PDE4D: variants seen among roughly 807,000 people sequenced by gnomAD.
PDE4D encodes the protein phosphodiesterase 4D.
A neutral mutation model predicts 87.4 loss-of-function variants in PDE4D; 24 were observed. The observed-to-expected ratio is 0.27, with a 90% confidence interval of 0.20 to 0.39. The LOEUF (loss-of-function observed/expected upper bound fraction) is 0.39. PDE4D is among the 10% of genes least tolerant of loss of function. PDE4D has a pLI of 1.00. For synonymous variants in PDE4D, 384 were observed against 383.2 expected (o/e 1.00, Z -0.02); for missense variants, 714 against 1,041.0 (o/e 0.69, Z 4.32).
At chr5:59,975,442 C>G (rs1310011833) in intron 3 of PDE4D, among the ~76,000 whole-genome samples, 2 of 152,212 alleles carry the variant, frequency 1.3e-5, no homozygotes, top group Non-Finnish European at 2.9e-5. Flanking sequence ...ACCTGTTTGA[C>G]ATCATAGAGA....
intron 1 of PDE4D, among the ~76,000 whole-genome samples, chr5:59,277,110 T>G (rs1764968116): frequency 6.6e-6 from 1 of 152,168 alleles, no homozygotes; most frequent in Admixed American, 6.6e-5. Flanking sequence ...ATTTAGCATT[T>G]GCAGACAGGA....
intron 1 of PDE4D, among the ~76,000 whole-genome samples, chr5:59,315,701 G>A (rs568480021): frequency 6.7e-4 from 102 of 152,286 alleles, no homozygotes; most frequent in African/African-American, 2.3e-3. Flanking sequence ...GGCATGCACA[G>A]TAAGGGGCAA....
chr5:59,935,466 A>G (rs1017334528), intron 3 of PDE4D, among the ~76,000 whole-genome samples: 1 of 152,178 alleles, frequency 6.6e-6, no homozygotes, highest in Admixed American at 6.5e-5. Flanking sequence ...GACATTGTGA[A>G]TGATTTAGGA....
At chr5:59,327,591 A>G (rs1220674738) in intron 1 of PDE4D, among the ~76,000 whole-genome samples, 1 of 152,198 alleles carries the variant, frequency 6.6e-6, no homozygotes, top group Non-Finnish European at 1.5e-5. Flanking sequence ...ACTTAATGAG[A>G]TCCGTTGTTA....
At chr5:59,251,511 A>G (rs1759931725) in intron 1 of PDE4D, among the ~76,000 whole-genome samples, 1 of 152,210 alleles carries the variant, frequency 6.6e-6, no homozygotes, top group Non-Finnish European at 1.5e-5. Flanking sequence ...GCTATTATTA[A>G]AAAGACAAAA....
At chr5:59,580,467 T>C (rs1349094460) in intron 1 of PDE4D, among the ~76,000 whole-genome samples, 1 of 152,164 alleles carries the variant, frequency 6.6e-6, no homozygotes, top group African/African-American at 2.4e-5. Flanking sequence ...TTCTAATAAA[T>C]TCTTCTTTTA....
intron 1 of PDE4D, among the ~76,000 whole-genome samples, chr5:59,658,823 CGTGTGTGT>C (rs141771220): frequency 6.6e-6 from 1 of 150,376 alleles, no homozygotes; most frequent in South Asian, 2.1e-4. Context: ...TGTGAGTGTT[CGTGTGTGT>C]GTGTGTGTGT....
At chr5:59,970,528 C>A (rs1304644572) in intron 3 of PDE4D, among the ~76,000 whole-genome samples, 1 of 152,086 alleles carries the variant, frequency 6.6e-6, no homozygotes, top group South Asian at 2.1e-4. Context: ...ACAAACAACC[C>A]CATCAAAAAG....
At chr5:60,314,430 G>A (rs970681806) in intron 1 of PDE4D, among the ~76,000 whole-genome samples, 1 of 152,074 alleles carries the variant, frequency 6.6e-6, no homozygotes. Flanking sequence ...GCCTCCCAAA[G>A]TGCTGGGATT....
At chr5:60,458,763 T>G (rs1042470262) in intron 1 of PDE4D, among the ~76,000 whole-genome samples, 2 of 150,704 alleles carry the variant, frequency 1.3e-5, no homozygotes, top group Non-Finnish European at 2.9e-5. Context: ...ACACCCGGAC[T>G]CATGGATACT....
At chr5:59,979,379 C>T (rs998412980) in intron 3 of PDE4D, among the ~76,000 whole-genome samples, 13 of 149,454 alleles carry the variant, frequency 8.7e-5, no homozygotes, top group Non-Finnish European at 1.3e-4. Context: ...AACAAGTATT[C>T]TAAAGTTTTT....
At chr5:60,125,505 C>T (rs1779054408) in intron 2 of PDE4D, among the ~76,000 whole-genome samples, 2 of 152,072 alleles carry the variant, frequency 1.3e-5, no homozygotes, top group Admixed American at 6.5e-5. Flanking sequence ...GGCAGGTACA[C>T]CCATCTTCCA....
chr5:60,374,812 TTAAG>T (rs1345776938), intron 1 of PDE4D, among the ~76,000 whole-genome samples: 1 of 152,194 alleles, frequency 6.6e-6, no homozygotes. Flanking sequence ...CTTCATAATT[TTAAG>T]TAAGAAATCT....
rs76368593 is a variant in PDE4D, at chr5:59,615,489, T to G, written c.455+277679A>C. Among the ~76,000 whole-genome samples the G allele has an allele frequency of 6.5e-3, 985 of 152,288 alleles. 8 individuals carry two copies. Among genetic ancestry groups the G allele is most frequent in the African/African-American group, 0.021 (862 of 41,556 alleles). On this transcript the variant is annotated intron_variant, in intron 1 of 14. Coordinates refer to ENST00000340635, the MANE Select transcript of PDE4D (RefSeq NM_001104631.2). ...GAAATACTCATGACTATGAAACATT[T>G]AAGAAAAAGTGGGTAAAGAGTCAAA...
At chr5:59,442,220 T>C (rs111686825) in intron 1 of PDE4D, among the ~76,000 whole-genome samples, 9 of 152,310 alleles carry the variant, frequency 5.9e-5, no homozygotes, top group African/African-American at 2.2e-4. Context: ...TGGAAGATCA[T>C]TCAGATATTA....
At chr5:60,040,547 C>T (rs1297968139) in intron 2 of PDE4D, among the ~76,000 whole-genome samples, 1 of 152,096 alleles carries the variant, frequency 6.6e-6, no homozygotes, top group African/African-American at 2.4e-5. Context: ...TTATATACAA[C>T]CATTACTCAG....
intron 3 of PDE4D, among the ~76,000 whole-genome samples, chr5:59,930,060 G>C (rs553076904): frequency 1.5e-4 from 22 of 151,374 alleles, no homozygotes; most frequent in Non-Finnish European, 2.8e-4. Flanking sequence ...TACTCGGGAG[G>C]CTGAGGCAGG....
At chr5:60,248,973 G>A (rs1748115514) in intron 1 of PDE4D, among the ~76,000 whole-genome samples, 1 of 152,012 alleles carries the variant, frequency 6.6e-6, no homozygotes, top group East Asian at 1.9e-4. Context: ...AATTGAGCAT[G>A]TGGCTCCAAG....
At chr5:60,076,827 A>C (rs1376919538) in intron 2 of PDE4D, among the ~76,000 whole-genome samples, 1 of 152,218 alleles carries the variant, frequency 6.6e-6, no homozygotes, top group Non-Finnish European at 1.5e-5. Flanking sequence ...CAGTGGCAAC[A>C]CAGCAGGGTG....
Sources: gnomAD v4.1 joint callset for allele counts (sites outside exome capture counted in the v4.1 genomes callset) on GRCh38, gnomAD v4.1.1 for gene constraint, MANE v1.5 for transcripts, NCBI Gene and HGNC (gene_info 2026-07-23, HGNC 2026-07-21) for gene names.